The following TOX3 variants were observed in gnomAD, a reference collection of about 807,000 sequenced individuals.
TOX3 encodes CAG trinucleotide repeat-containing gene F9 protein.
In TOX3, 22 loss-of-function variants were observed where a neutral mutation model predicts 64.3. The observed-to-expected ratio is 0.34, with a 90% CI of 0.24 to 0.49. TOX3 has a LOEUF of 0.49. Ranked by LOEUF, TOX3 falls within the 20% of genes least tolerant of loss-of-function variation. The pLI is 0.99. For missense variants in TOX3, 661 were observed against 714.4 expected (o/e 0.93, Z 0.85); for synonymous variants, 291 against 273.6 (o/e 1.06, Z -0.63).
chr16:52,489,615 T>C (rs1961620977), intron 1 of TOX3, among the ~76,000 whole-genome samples: 1 of 152,198 alleles, frequency 6.6e-6, no homozygotes, highest in Non-Finnish European at 1.5e-5. Context: ...CAATTCATCA[T>C]GTCCCAATGC....
At position 52,543,955 on chromosome 16, in the gene TOX3, A is replaced by G. The variant is rs183803122; in HGVS notation, c.87+2682T>C. 4.2e-4 allele frequency among the ~76,000 whole-genome samples: 64 copies of G among 152,322 alleles called. 1 individual carries two copies. The highest frequency in any genetic ancestry group is 1.4e-3 in the Admixed American group (22 of 15,306). Reference sequence around the variant, plus strand: ...TGAAACCCTATTATTCACGGTTTGTAAATAAATTTAAAGATAAGCGCTAAC... The same window carrying G: ...TGAAACCCTATTATTCACGGTTTGTGAATAAATTTAAAGATAAGCGCTAAC... On this transcript the variant is annotated intron_variant, in intron 1 of 6. Transcript: ENST00000219746.
At chr16:52,487,627 C>T (rs1194670931) in intron 1 of TOX3, among the ~76,000 whole-genome samples, 1 of 152,156 alleles carries the variant, frequency 6.6e-6, no homozygotes, top group Non-Finnish European at 1.5e-5. Context: ...TTGTTTTTGT[C>T]TCTAGGACAA....
intron 1 of TOX3, among the ~76,000 whole-genome samples, chr16:52,511,173 G>C (rs999414125): frequency 4.6e-5 from 7 of 152,094 alleles, no homozygotes; most frequent in African/African-American, 1.2e-4. Context: ...TCCCATAAAA[G>C]CTGAGAGTCC....
chr16:52,459,309 T>TA (rs1286484739), intron 3 of TOX3, among the ~76,000 whole-genome samples: 1 of 151,870 alleles, frequency 6.6e-6, no homozygotes, highest in Non-Finnish European at 1.5e-5. Flanking sequence ...ATCCTCTCTC[T>TA]AAAAAATATG....
intron 1 of TOX3, among the ~76,000 whole-genome samples, chr16:52,501,966 A>C (rs997393502): frequency 1.1e-4 from 16 of 152,322 alleles, no homozygotes; most frequent in African/African-American, 3.8e-4. Flanking sequence ...AGGGTAACAC[A>C]GTTTCCTGTA....
intron 1 of TOX3, among the ~76,000 whole-genome samples, chr16:52,527,821 AC>A: frequency 6.6e-6 from 1 of 152,308 alleles, no homozygotes; most frequent in African/African-American, 2.4e-5. Context: ...AAATGACAGA[AC>A]CAGAAAGTTT....
Position 52,546,998 on chromosome 16 carries a change from CG to C in TOX3, c.-276del. ...GCAGCGCTGCGCGCGGGCCGGGCGC[CG>C]GGGGCGCGGGGCGCGGCGCTGGGGC... On this transcript the variant is annotated 5_prime_UTR_variant, in exon 1 of 7. Transcript: ENST00000219746. The C allele has an allele frequency of 7.2e-6, 7 of 965,774 alleles. No individual in the cohort carries two copies. The highest frequency in any genetic ancestry group is 8.6e-6 in the Non-Finnish European group (7 of 814,818). 59.8% of individuals were successfully genotyped at this position (965,774 alleles called of 1,614,324 possible).
At chr16:52,472,476 A>G (rs1410680916) in intron 1 of TOX3, among the ~76,000 whole-genome samples, 7 of 152,250 alleles carry the variant, frequency 4.6e-5, no homozygotes, top group Admixed American at 3.3e-4. Context: ...ACCATGGTAA[A>G]ATGTATTTGT....
chr16:52,504,823 C>A (rs990411858), intron 1 of TOX3, among the ~76,000 whole-genome samples: 1 of 116,044 alleles, frequency 8.6e-6, no homozygotes, highest in African/African-American at 3.5e-5. Flanking sequence ...AGAAGAGGGT[C>A]TTTTTGTTTG....
chr16:52,477,086 T>C (rs3095619), intron 1 of TOX3, among the ~76,000 whole-genome samples: 102,152 of 152,052 alleles, frequency 0.67, 35,793 homozygotes, highest in East Asian at 0.87. Flanking sequence ...AGGTACTGAG[T>C]ATAGTACCCA....
At chr16:52,468,469 CA>C in intron 2 of TOX3, 39 bp downstream of exon 2, 1 of 1,575,646 alleles carries the variant, frequency 6.3e-7, no homozygotes, top group Non-Finnish European at 8.7e-7. Context: ...ATCTCAATAA[CA>C]CAAAAAACAG....
intron 1 of TOX3, among the ~76,000 whole-genome samples, chr16:52,504,848 T>C (rs1373807898): frequency 6.6e-6 from 1 of 152,052 alleles, no homozygotes; most frequent in Non-Finnish European, 1.5e-5. Context: ...TTTGTTTGTT[T>C]GTTTGAGATA....
At chr16:52,511,377 A>G (rs919886952) in intron 1 of TOX3, among the ~76,000 whole-genome samples, 3 of 152,142 alleles carry the variant, frequency 2.0e-5, no homozygotes, top group Non-Finnish European at 4.4e-5. Flanking sequence ...CTGTAATCCC[A>G]GCTACTCGGG....
At chr16:52,487,732 A>G (rs773352367) in intron 1 of TOX3, among the ~76,000 whole-genome samples, 19 of 152,224 alleles carry the variant, frequency 1.2e-4, no homozygotes, top group Non-Finnish European at 2.8e-4. Flanking sequence ...GTTAAAGTTA[A>G]TACATGAAAT....
intron 1 of TOX3, among the ~76,000 whole-genome samples, chr16:52,493,785 A>G (rs1394260013): frequency 6.6e-6 from 1 of 152,196 alleles, no homozygotes; most frequent in African/African-American, 2.4e-5. Flanking sequence ...TTTGGAGGAA[A>G]GGTGGTAATT....
At chr16:52,516,559 C>T (rs1031416566) in intron 1 of TOX3, among the ~76,000 whole-genome samples, 1 of 152,094 alleles carries the variant, frequency 6.6e-6, no homozygotes, top group African/African-American at 2.4e-5. Context: ...CTGACATTTC[C>T]TTATTCTACT....
chr16:52,462,896 T>A (rs1960734883), intron 3 of TOX3, among the ~76,000 whole-genome samples: 1 of 151,862 alleles, frequency 6.6e-6, no homozygotes, highest in South Asian at 2.1e-4. Flanking sequence ...ACACAAAAGA[T>A]CACAAGCAAA....
chr16:52,477,339 C>T (rs1376137290), intron 1 of TOX3, among the ~76,000 whole-genome samples: 1 of 152,042 alleles, frequency 6.6e-6, no homozygotes, highest in Non-Finnish European at 1.5e-5. Context: ...TAAGAGTGTC[C>T]ACAAAGGATT....
intron 1 of TOX3, among the ~76,000 whole-genome samples, chr16:52,474,157 G>A (rs147590025): frequency 6.6e-6 from 1 of 152,036 alleles, no homozygotes; most frequent in Admixed American, 6.6e-5. Context: ...CTCACTTTTG[G>A]TGACTCCGGC....
Sources: allele counts gnomAD v4.1 joint callset (sites outside exome capture counted in the v4.1 genomes callset), GRCh38; gene constraint gnomAD v4.1.1; transcripts MANE v1.5; gene names NCBI Gene and HGNC (gene_info 2026-07-23, HGNC 2026-07-21).